The following FAM193A variants were observed in gnomAD, a reference collection of about 807,000 sequenced individuals.
FAM193A encodes the protein protein FAM193A.
In FAM193A, 22 loss-of-function variants were observed where a neutral mutation model predicts 126.5. The observed-to-expected ratio is 0.17, with a 90% CI of 0.12 to 0.25. FAM193A has a LOEUF of 0.25. FAM193A is among the 10% of genes least tolerant of loss of function. The pLI is 1.00. For missense variants in FAM193A, 1,675 were observed against 1,672.8 expected (o/e 1.00, Z -0.02); for synonymous variants, 761 against 646.8 (o/e 1.18, Z -2.68).
intron 18 of FAM193A, among the ~76,000 whole-genome samples, chr4:2,699,385 A>T (rs1157525527): frequency 6.9e-6 from 1 of 145,898 alleles, no homozygotes; most frequent in Non-Finnish European, 1.5e-5. Flanking sequence ...GTCCTTGGTT[A>T]CTGTGTTTAG....
intron 1 of FAM193A, among the ~76,000 whole-genome samples, chr4:2,576,492 G>A (rs1176976180): frequency 6.6e-6 from 1 of 152,174 alleles, no homozygotes; most frequent in East Asian, 1.9e-4. Context: ...GAGCCCAGGG[G>A]TTTAAGGCTG....
intron 1 of FAM193A, among the ~76,000 whole-genome samples, chr4:2,574,535 G>C (rs545531000): frequency 6.6e-6 from 1 of 152,124 alleles, no homozygotes; most frequent in South Asian, 2.1e-4. Context: ...TCTGGGAGTC[G>C]TGTGTATTGA....
chr4:2,578,968 TA>T (rs1423569609), intron 1 of FAM193A, among the ~76,000 whole-genome samples: 1 of 151,860 alleles, frequency 6.6e-6, no homozygotes, highest in Non-Finnish European at 1.5e-5. Flanking sequence ...GCACACAGTG[TA>T]ACTTTATTTT....
At chr4:2,731,218 A>AC (rs1337351763) in intron 20 of FAM193A, among the ~76,000 whole-genome samples, 1 of 131,782 alleles carries the variant, frequency 7.6e-6, no homozygotes, top group East Asian at 2.2e-4. Context: ...AAAAAAAAAA[A>AC]AAAAAACCGG....
chr4:2,642,882 G>A (rs1024425584), intron 6 of FAM193A, among the ~76,000 whole-genome samples: 5 of 151,856 alleles, frequency 3.3e-5, no homozygotes, highest in South Asian at 2.1e-4. Context: ...ACAGGCGCCC[G>A]CCACCACACC....
chr4:2,593,226 C>T (rs1359488173), intron 1 of FAM193A, among the ~76,000 whole-genome samples: 1 of 152,192 alleles, frequency 6.6e-6, no homozygotes, highest in Admixed American at 6.5e-5. Flanking sequence ...AGCCCTGGTC[C>T]AAGCTGCTGC....
At chr4:2,587,732 GAA>G (rs890028472) in intron 1 of FAM193A, among the ~76,000 whole-genome samples, 1 of 152,104 alleles carries the variant, frequency 6.6e-6, no homozygotes, top group Non-Finnish European at 1.5e-5. Flanking sequence ...ATTTTGAAAA[GAA>G]AGAGCTGGGG....
At position 2,626,597 on chromosome 4, in the gene FAM193A, G is replaced by A. The variant is rs543262951; in HGVS notation, c.803+20G>A. 2 of 679,894 alleles carry A rather than the reference G, an allele frequency of 2.9e-6. No individual in the cohort carries two copies. Among genetic ancestry groups the A allele is most frequent in the South Asian group, 1.5e-5 (1 of 67,014 alleles). The allele number at this position is 679,894 out of a possible 1,614,324, so 42.1% of individuals were successfully genotyped here. A position where few individuals can be genotyped will look rare whatever the true frequency, so the allele number is the denominator to read the frequency against. The stretch of plus-strand genomic sequence containing the variant: ...GGATAGGTACATACTGCCCTTTCCT[G>A]TTGTGGCCCCATGCAAACCCCTGCC... On this transcript the variant is annotated intron_variant, in intron 4 of 20. Transcript: ENST00000637812.
At chr4:2,566,116 T>G (rs1488815650) in intron 1 of FAM193A, among the ~76,000 whole-genome samples, 3 of 151,740 alleles carry the variant, frequency 2.0e-5, no homozygotes, top group Non-Finnish European at 4.4e-5. Flanking sequence ...GGCACAATCT[T>G]GGCTGACTGC....
At chr4:2,731,191 CT>C (rs1721336287) in intron 20 of FAM193A, among the ~76,000 whole-genome samples, 13 of 103,672 alleles carry the variant, frequency 1.3e-4, no homozygotes, top group Admixed American at 9.2e-4. Context: ...AGCGAAACTC[CT>C]TCTCAAAAAA....
At chr4:2,604,367 C>T (rs1219625555) in intron 2 of FAM193A, among the ~76,000 whole-genome samples, 1 of 152,068 alleles carries the variant, frequency 6.6e-6, no homozygotes, top group Non-Finnish European at 1.5e-5. Context: ...TTAAATCCTT[C>T]TGTGTTTCCG....
intron 2 of FAM193A, among the ~76,000 whole-genome samples, chr4:2,601,227 C>CTTTTTTTTTT (rs1201989388): frequency 1.4e-4 from 15 of 110,668 alleles, no homozygotes; most frequent in East Asian, 2.7e-4. Flanking sequence ...TCTTCTTCTT[C>CTTTTTTTTTT]TTTTTTTTTT....
intron 19 of FAM193A, among the ~76,000 whole-genome samples, chr4:2,709,436 G>T (rs762718788): frequency 3.3e-5 from 5 of 152,056 alleles, no homozygotes; most frequent in African/African-American, 1.2e-4. Flanking sequence ...GGCTGGGCAC[G>T]GTGGCTCATG....
At chr4:2,583,831 G>A (rs1740084683) in intron 1 of FAM193A, among the ~76,000 whole-genome samples, 3 of 152,172 alleles carry the variant, frequency 2.0e-5, no homozygotes, top group Non-Finnish European at 4.4e-5. Flanking sequence ...CTCTCCAGCA[G>A]GTTCAGAAAC....
chr4:2,706,994 C>T (rs574844656), intron 19 of FAM193A, among the ~76,000 whole-genome samples: 9 of 151,872 alleles, frequency 5.9e-5, no homozygotes, highest in African/African-American at 1.7e-4. Flanking sequence ...TGGTGGCGAG[C>T]GCCTGTGGTC....
At chr4:2,694,241 A>G (rs1716773820) in intron 16 of FAM193A, among the ~76,000 whole-genome samples, 2 of 152,142 alleles carry the variant, frequency 1.3e-5, no homozygotes, top group African/African-American at 4.8e-5. Flanking sequence ...ACACAATACA[A>G]CAAACACTCA....
intron 12 of FAM193A, among the ~76,000 whole-genome samples, chr4:2,671,457 C>T (rs1317512279): frequency 2.0e-5 from 3 of 152,152 alleles, no homozygotes; most frequent in African/African-American, 7.2e-5. Flanking sequence ...TCACAGAACT[C>T]CTGTGCCCAC....
At chr4:2,628,191 T>A (rs1181890996) in intron 4 of FAM193A, among the ~76,000 whole-genome samples, 2 of 152,126 alleles carry the variant, frequency 1.3e-5, no homozygotes, top group African/African-American at 4.8e-5. Flanking sequence ...GCCGGGAGTT[T>A]TATAAACTGA....
At chr4:2,660,684 A>G (rs933818182) in intron 10 of FAM193A, among the ~76,000 whole-genome samples, 2 of 152,208 alleles carry the variant, frequency 1.3e-5, no homozygotes, top group Non-Finnish European at 2.9e-5. Context: ...ATCATGTTCC[A>G]TGTGGAAGTG....
Sources: gnomAD v4.1 joint callset for allele counts (sites outside exome capture counted in the v4.1 genomes callset) on GRCh38, gnomAD v4.1.1 for gene constraint, MANE v1.5 for transcripts, NCBI Gene and HGNC (gene_info 2026-07-23, HGNC 2026-07-21) for gene names.